The following CAMKMT variants were observed in gnomAD, a reference collection of about 807,000 sequenced individuals.
The protein encoded by CAMKMT is CaM KMT.
A neutral mutation model predicts 48.0 loss-of-function variants in CAMKMT; 53 were observed. That is an observed-to-expected ratio of 1.10 (90% CI 0.89 to 1.39). The LOEUF (loss-of-function observed/expected upper bound fraction) is 1.39. Ranked by LOEUF, CAMKMT falls within the 40% of genes most tolerant of loss-of-function variation. The pLI, the probability that CAMKMT is intolerant of heterozygous loss-of-function variation, is 0.00. For missense variants in CAMKMT, 428 were observed against 402.7 expected (o/e 1.06, Z -0.54); for synonymous variants, 165 against 152.3 (o/e 1.08, Z -0.61).
chr2:44,370,580 T>C (rs1679073662), intron 1 of CAMKMT, among the ~76,000 whole-genome samples: 1 of 152,168 alleles, frequency 6.6e-6, no homozygotes, highest in African/African-American at 2.4e-5. Flanking sequence ...GTTTTATCAA[T>C]CTTTTCAAAG....
chr2:44,511,645 A>G (rs1286332230), intron 3 of CAMKMT, among the ~76,000 whole-genome samples: 2 of 152,162 alleles, frequency 1.3e-5, no homozygotes, highest in Non-Finnish European at 2.9e-5. Flanking sequence ...CTTAATCGTT[A>G]CATTGGACTT....
At chr2:44,527,579 A>G (rs975323433) in intron 3 of CAMKMT, among the ~76,000 whole-genome samples, 5 of 151,454 alleles carry the variant, frequency 3.3e-5, no homozygotes, top group Non-Finnish European at 5.9e-5. Flanking sequence ...ATATCCTACA[A>G]TATTTTAAAG....
intron 3 of CAMKMT, among the ~76,000 whole-genome samples, chr2:44,697,023 A>AT (rs1384105813): frequency 1.3e-5 from 2 of 152,144 alleles, no homozygotes; most frequent in East Asian, 1.9e-4. Context: ...GAAAGAAAAG[A>AT]TTTTTTAAAA....
chr2:44,644,579 A>C (rs1673631652), intron 3 of CAMKMT, among the ~76,000 whole-genome samples: 1 of 152,256 alleles, frequency 6.6e-6, no homozygotes, highest in African/African-American at 2.4e-5. Flanking sequence ...CATGTATGTG[A>C]ACAACAAGGC....
chr2:44,368,078 C>CT (rs954164376), intron 1 of CAMKMT, among the ~76,000 whole-genome samples: 2 of 151,930 alleles, frequency 1.3e-5, no homozygotes. Context: ...GACTTGATGT[C>CT]TTTTTTTTCT....
chr2:44,482,581 T>A (rs1209476079), intron 3 of CAMKMT, among the ~76,000 whole-genome samples: 1 of 152,170 alleles, frequency 6.6e-6, no homozygotes, highest in Admixed American at 6.6e-5. Flanking sequence ...GAAAATATTA[T>A]TATTAAACAT....
intron 3 of CAMKMT, among the ~76,000 whole-genome samples, chr2:44,672,442 A>G (rs1422849710): frequency 6.6e-6 from 1 of 152,030 alleles, no homozygotes; most frequent in African/African-American, 2.4e-5. Context: ...TTCATTTGAC[A>G]TTTGCTGAGC....
chr2:44,689,926 G>GA (rs1407636773), intron 3 of CAMKMT, among the ~76,000 whole-genome samples: 5 of 152,312 alleles, frequency 3.3e-5, no homozygotes, highest in Non-Finnish European at 2.9e-5. Flanking sequence ...ATTGGAGAGG[G>GA]AAAATCATAC....
chr2:44,499,292 G>A (rs1669900128), intron 3 of CAMKMT, among the ~76,000 whole-genome samples: 1 of 152,180 alleles, frequency 6.6e-6, no homozygotes, highest in Non-Finnish European at 1.5e-5. Context: ...CACTGCATAT[G>A]CTGACCTTGG....
At chr2:44,703,796 AC>A (rs1677392351) in intron 3 of CAMKMT, among the ~76,000 whole-genome samples, 1 of 147,370 alleles carries the variant, frequency 6.8e-6, no homozygotes, top group African/African-American at 2.5e-5. Flanking sequence ...AAAAAAAAAG[AC>A]AGAATTGTGC....
At chr2:44,623,036 A>G (rs1252182267) in intron 3 of CAMKMT, among the ~76,000 whole-genome samples, 1 of 152,114 alleles carries the variant, frequency 6.6e-6, no homozygotes, top group Non-Finnish European at 1.5e-5. Flanking sequence ...TGTTCTGACC[A>G]GTGTGAGATG....
At chr2:44,619,492 C>A (rs1476593959) in intron 3 of CAMKMT, among the ~76,000 whole-genome samples, 1 of 151,942 alleles carries the variant, frequency 6.6e-6, no homozygotes, top group Non-Finnish European at 1.5e-5. Flanking sequence ...CATCTGCAAA[C>A]ACATATGTGT....
At chr2:44,689,595 T>C (rs2104214137) in intron 3 of CAMKMT, among the ~76,000 whole-genome samples, 1 of 152,276 alleles carries the variant, frequency 6.6e-6, no homozygotes, top group South Asian at 2.1e-4. Flanking sequence ...TCTTCTCTTT[T>C]TTGTTTTTCC....
At chr2:44,512,626 C>T (rs900205783) in intron 3 of CAMKMT, among the ~76,000 whole-genome samples, 13 of 152,140 alleles carry the variant, frequency 8.5e-5, no homozygotes, top group Admixed American at 2.0e-4. Context: ...TTCTAAACTA[C>T]AATAAATTAA....
chr2:44,550,180 G>GC (rs1202442528), intron 3 of CAMKMT, among the ~76,000 whole-genome samples: 14 of 152,164 alleles, frequency 9.2e-5, no homozygotes, highest in African/African-American at 2.9e-4. Context: ...TGGGTGGATT[G>GC]CTTGAGCCCA....
chr2:44,511,842 C>T (rs909060049), intron 3 of CAMKMT, among the ~76,000 whole-genome samples: 1 of 152,112 alleles, frequency 6.6e-6, no homozygotes, highest in Admixed American at 6.5e-5. Context: ...GTTAGTGAGA[C>T]CTCCTTGACC....
At chr2:44,721,813 A>T (rs2104319314) in intron 7 of CAMKMT, among the ~76,000 whole-genome samples, 1 of 140,488 alleles carries the variant, frequency 7.1e-6, no homozygotes, top group South Asian at 2.5e-4. Context: ...ACATAGTGAA[A>T]CCCCATCTAT....
intron 9 of CAMKMT, among the ~76,000 whole-genome samples, chr2:44,765,742 GT>G (rs1680815246): frequency 6.6e-6 from 1 of 152,128 alleles, no homozygotes; most frequent in East Asian, 1.9e-4. Flanking sequence ...AGAAAAGGCT[GT>G]TTACCCTCAT....
intron 7 of CAMKMT, among the ~76,000 whole-genome samples, chr2:44,743,306 T>C (rs906260366): frequency 2.6e-5 from 4 of 152,214 alleles, no homozygotes; most frequent in Non-Finnish European, 4.4e-5. Flanking sequence ...ATGTACCTTA[T>C]TGATGTTAAG....
Sources: gnomAD v4.1 joint callset for allele counts (sites outside exome capture counted in the v4.1 genomes callset) on GRCh38, gnomAD v4.1.1 for gene constraint, MANE v1.5 for transcripts, NCBI Gene and HGNC (gene_info 2026-07-23, HGNC 2026-07-21) for gene names.